COL23A1: variants seen among roughly 807,000 people sequenced by gnomAD.
The protein encoded by COL23A1 is collagen alpha-1(XXIII) chain.
Under a neutral mutation model 99.3 loss-of-function variants are expected in COL23A1, and 97 were observed. The observed-to-expected ratio is 0.98, with a 90% CI of 0.83 to 1.16. The LOEUF (loss-of-function observed/expected upper bound fraction) is 1.16, where lower values mean the gene tolerates loss of function less well. Ranked by LOEUF, COL23A1 falls within the 50% of genes most tolerant of loss-of-function variation. COL23A1 has a pLI of 0.00. For missense variants in COL23A1, 762 were observed against 757.4 expected (o/e 1.01, Z -0.07); for synonymous variants, 320 against 308.2 (o/e 1.04, Z -0.40).
intron 16 of COL23A1, among the ~76,000 whole-genome samples, chr5:178,254,651 G>C (rs6872403): frequency 6.6e-6 from 1 of 152,152 alleles, no homozygotes; most frequent in African/African-American, 2.4e-5. Context: ...AGGAGACACC[G>C]GTGGGAACAG....
rs79077414 is a variant in COL23A1, at chr5:178,277,385, G to A, written c.442-7022C>T. Among the ~76,000 whole-genome samples the A allele has an allele frequency of 2.2e-3, 333 of 152,262 alleles. 1 individual carries two copies. Among genetic ancestry groups the A allele is most frequent in the African/African-American group, 5.3e-3 (221 of 41,560 alleles). On this transcript the variant is annotated intron_variant, in intron 5 of 28. Coordinates refer to ENST00000390654, the MANE Select transcript of COL23A1 (RefSeq NM_173465.4). ...TGTCTCAAACAAACAAAAAAACAAAGAACCCCAAACCAAATGAATTAGTCA... is the reference window on the plus strand; with the variant it reads ...TGTCTCAAACAAACAAAAAAACAAAAAACCCCAAACCAAATGAATTAGTCA...
chr5:178,405,380 T>C (rs550568755), intron 2 of COL23A1, among the ~76,000 whole-genome samples: 21 of 152,398 alleles, frequency 1.4e-4, no homozygotes, highest in African/African-American at 4.8e-4. Flanking sequence ...ATTCAATTTT[T>C]GTATTTTCTT....
rs1053251411 is a variant in COL23A1 at position 178,544,870 on chromosome 5, G to T, written c.361+15812C>A. On this transcript the variant is annotated intron_variant, in intron 2 of 28. Coordinates refer to ENST00000390654, the MANE Select transcript of COL23A1 (RefSeq NM_173465.4). This position sits in a 1 kb window ranked among gnomAD's most constrained non-coding sequence, Gnocchi z 4.4. ...GAGCCCAGGAGTTTGAGACCAGGGA[G>T]GCCAGGCTGAGCAACACAGCAAACC... Among the ~76,000 whole-genome samples the T allele has an allele frequency of 7.2e-5, 11 of 152,134 alleles. No individual in the cohort carries two copies. Among genetic ancestry groups the T allele is most frequent in the Non-Finnish European group, 1.6e-4 (11 of 68,012 alleles).
At chr5:178,494,429 T>A (rs1581500290) in intron 2 of COL23A1, among the ~76,000 whole-genome samples, 1 of 152,000 alleles carries the variant, frequency 6.6e-6, no homozygotes, top group East Asian at 1.9e-4. Context: ...AAGTGCTGGG[T>A]AATTTGGGAG....
intron 2 of COL23A1, among the ~76,000 whole-genome samples, chr5:178,510,496 G>A (rs757985509): frequency 5.3e-5 from 8 of 152,250 alleles, no homozygotes; most frequent in Admixed American, 1.3e-4. Flanking sequence ...AGCTGAGATC[G>A]TGCCATTGTG....
At position 178,256,376 on chromosome 5, in the gene COL23A1, T is replaced by C. The variant is rs890802; in HGVS notation, c.859A>G (p.Thr287Ala). The part of the protein sequence containing the change: ...GPKGEPGHRG[T>A]DGAAGPRGAP... ...ACCCGGGGCCCTGCAGCTCCATCCG[T>C]GCCTCGGTGGCCAGGCTCCCCCTGT... Residue 287 changes from threonine to alanine, a missense_variant, in exon 15 of 29, where the codon ACG becomes GCG. By Grantham distance (58) the Thr-to-Ala change is moderately conservative. Coordinates refer to ENST00000390654, the MANE Select transcript of COL23A1 (RefSeq NM_173465.4). 820,947 of 1,602,832 alleles carry C rather than the reference T, an allele frequency of 0.51. 211,762 individuals are homozygous for C. Among genetic ancestry groups the C allele is most frequent in the Admixed American group, 0.58 (34,338 of 59,292 alleles).
chr5:178,556,361 G>A (rs558290550), intron 2 of COL23A1, among the ~76,000 whole-genome samples: 131 of 152,286 alleles, frequency 8.6e-4, no homozygotes, highest in African/African-American at 3.0e-3. Context: ...GGTGGCTCAC[G>A]CCTATAATCC....
intron 1 of COL23A1, among the ~76,000 whole-genome samples, chr5:178,574,266 G>T (rs1439889154): frequency 6.6e-6 from 1 of 152,182 alleles, no homozygotes; most frequent in Non-Finnish European, 1.5e-5. Flanking sequence ...GGGGCATAGG[G>T]AATTTTCTGA....
intron 2 of COL23A1, among the ~76,000 whole-genome samples, chr5:178,348,066 C>A (rs923585971): frequency 6.6e-6 from 1 of 152,026 alleles, no homozygotes; most frequent in Non-Finnish European, 1.5e-5. Flanking sequence ...CAGTGCCCCT[C>A]GGGGTCTCGC....
At chr5:178,314,865 G>C (rs1427854274) in intron 2 of COL23A1, among the ~76,000 whole-genome samples, 1 of 152,116 alleles carries the variant, frequency 6.6e-6, no homozygotes, top group East Asian at 1.9e-4. Flanking sequence ...TTCTGATTGA[G>C]AGTCATGTCC....
chr5:178,329,084 GC>G lies in COL23A1; in HGVS notation c.362-22166del, dbSNP rs57062049. 5.9e-3 allele frequency among the ~76,000 whole-genome samples: 894 copies of G among 152,252 alleles called. 8 individuals carry two copies. The highest frequency in any genetic ancestry group is 0.021 in the African/African-American group (853 of 41,522). On this transcript the variant is annotated intron_variant, in intron 2 of 28. Coordinates refer to ENST00000390654, the MANE Select transcript of COL23A1 (RefSeq NM_173465.4). ...TCAAAGCCCCTTTGTCAGGCAGAAA[GC>G]CCCCCTCCAGGTGGCCAATTTCAGG...
At chr5:178,355,648 T>C (rs1265517319) in intron 2 of COL23A1, among the ~76,000 whole-genome samples, 1 of 152,222 alleles carries the variant, frequency 6.6e-6, no homozygotes, top group Non-Finnish European at 1.5e-5. Context: ...TTCTCCTGCC[T>C]CAGCCTCCCG....
intron 2 of COL23A1, among the ~76,000 whole-genome samples, chr5:178,549,065 G>A (rs544643915): frequency 4.2e-4 from 64 of 152,112 alleles, no homozygotes; most frequent in Non-Finnish European, 8.4e-4. Flanking sequence ...GCACGATCTC[G>A]GCTCACTGCA....
chr5:178,526,795 C>T (rs1171406213), intron 2 of COL23A1, among the ~76,000 whole-genome samples: 1 of 152,204 alleles, frequency 6.6e-6, no homozygotes, highest in Admixed American at 6.5e-5. Flanking sequence ...AGCCTCACTC[C>T]TCTGCTATCC....
At chr5:178,418,921 C>A (rs1207300350) in intron 2 of COL23A1, among the ~76,000 whole-genome samples, 1 of 152,190 alleles carries the variant, frequency 6.6e-6, no homozygotes, top group African/African-American at 2.4e-5. Flanking sequence ...CCACCCCCAG[C>A]CTGCCCCACA....
intron 2 of COL23A1, among the ~76,000 whole-genome samples, chr5:178,504,719 G>C (rs1758768224): frequency 3.3e-5 from 5 of 152,124 alleles, no homozygotes. Context: ...CTGGCCAACA[G>C]TGTGTGTGCC....
intron 2 of COL23A1, among the ~76,000 whole-genome samples, chr5:178,441,793 C>T (rs1766883016): frequency 6.6e-6 from 1 of 152,060 alleles, no homozygotes; most frequent in African/African-American, 2.4e-5. Context: ...TGTCTTTGGG[C>T]TAAACATTCT....
At chr5:178,506,408 C>A (rs1250309431) in intron 2 of COL23A1, among the ~76,000 whole-genome samples, 4 of 152,188 alleles carry the variant, frequency 2.6e-5, no homozygotes, top group Non-Finnish European at 4.4e-5. Flanking sequence ...GGTACATCTG[C>A]AGGCTGGCTT....
intron 6 of COL23A1, 130 bp downstream of exon 6, chr5:178,270,207 C>T (rs2127563558): frequency 9.3e-7 from 1 of 1,069,986 alleles, no homozygotes. Flanking sequence ...AAGTCTGACA[C>T]CCAAAAGGCT....
Sources: allele counts gnomAD v4.1 joint callset (sites outside exome capture counted in the v4.1 genomes callset), GRCh38; gene constraint gnomAD v4.1.1; non-coding constraint Gnocchi (gnomAD v3.1); transcripts MANE v1.5; gene names NCBI Gene and HGNC (gene_info 2026-07-23, HGNC 2026-07-21).